Variants in FHOD3 observed in about 807,000 individuals in gnomAD.
The protein encoded by FHOD3 is FH1/FH2 domain-containing protein 3.
FHOD3 carries 90 observed loss-of-function variants against 173.0 expected under a neutral mutation model. The ratio of observed to expected loss-of-function variants is 0.52; its 90% CI spans 0.44 to 0.62. The LOEUF (loss-of-function observed/expected upper bound fraction) is 0.62. Among genes scored for constraint, FHOD3 ranks in the 20% least tolerant of loss-of-function variants. The probability of loss-of-function intolerance (pLI) is 0.00; values close to 1 mark genes in which losing one functional copy is unlikely to be tolerated. For synonymous variants in FHOD3, 828 were observed against 823.0 expected (o/e 1.01, Z -0.10); for missense variants, 1,945 against 2,034.7 (o/e 0.96, Z 0.85).
chr18:36,530,625 C>T (rs1212134993), intron 5 of FHOD3, among the ~76,000 whole-genome samples: 1 of 152,188 alleles, frequency 6.6e-6, no homozygotes. Flanking sequence ...GGTTGGTCCA[C>T]ATTTAGGTAA....
intron 6 of FHOD3, among the ~76,000 whole-genome samples, chr18:36,588,146 A>G (rs9964858): frequency 0.038 from 5,836 of 152,316 alleles, 314 homozygotes; most frequent in African/African-American, 0.13. Flanking sequence ...ACCTCATGTT[A>G]CAGATAACCT....
chr18:36,345,294 A>G (rs1598784071), intron 1 of FHOD3, among the ~76,000 whole-genome samples: 1 of 152,240 alleles, frequency 6.6e-6, no homozygotes, highest in Non-Finnish European at 1.5e-5. Flanking sequence ...AAATTACTTA[A>G]TATACTTTTA....
At chr18:36,300,190 C>G (rs2091922783) in intron 1 of FHOD3, among the ~76,000 whole-genome samples, 1 of 152,202 alleles carries the variant, frequency 6.6e-6, no homozygotes, top group African/African-American at 2.4e-5. Flanking sequence ...AAATGACCCA[C>G]TTTTTGTGCT....
At chr18:36,604,298 A>G (rs894730612) in intron 8 of FHOD3, among the ~76,000 whole-genome samples, 4 of 152,212 alleles carry the variant, frequency 2.6e-5, no homozygotes, top group Admixed American at 1.3e-4. Flanking sequence ...TCCATTCCTG[A>G]AATACAGCTG....
intron 13 of FHOD3, among the ~76,000 whole-genome samples, chr18:36,655,073 T>G (rs2036324527): frequency 1.4e-5 from 1 of 70,172 alleles, no homozygotes; most frequent in Non-Finnish European, 2.8e-5. Flanking sequence ...TTTTTTTTTG[T>G]ACCCCAATCA....
At chr18:36,772,501 T>A (rs1053737049) in intron 28 of FHOD3, among the ~76,000 whole-genome samples, 3 of 152,376 alleles carry the variant, frequency 2.0e-5, no homozygotes, top group South Asian at 2.1e-4. Flanking sequence ...ACAATAATAG[T>A]TCTGCTCTTG....
intron 3 of FHOD3, among the ~76,000 whole-genome samples, chr18:36,486,156 C>T (rs531264615): frequency 6.6e-6 from 1 of 152,154 alleles, no homozygotes; most frequent in African/African-American, 2.4e-5. Flanking sequence ...CACTAAATGG[C>T]TGCCGAGTGC....
chr18:36,684,155 G>A (rs529158557), intron 15 of FHOD3, among the ~76,000 whole-genome samples: 1 of 152,244 alleles, frequency 6.6e-6, no homozygotes, highest in East Asian at 1.9e-4. Context: ...AATTAATATT[G>A]GAACCAATGT....
In FHOD3 at chr18:36,612,149, G is replaced by C. The variant is rs929656056; in HGVS notation, c.957+54G>C. 22 of 1,574,490 alleles carry C rather than the reference G, an allele frequency of 1.4e-5. No individual in the cohort carries two copies. The African/African-American group carries it at 1.8e-4, about 13-fold the overall frequency. ...CGTACAGCTTTGGCAATTGTCAAAG[G>C]CTGAGATGGCGCCTACTTTAGACCA... On this transcript the variant is annotated intron_variant, in intron 9 of 28. Transcript: ENST00000590592.
chr18:36,462,920 A>G (rs974029226), intron 3 of FHOD3, among the ~76,000 whole-genome samples: 1 of 152,210 alleles, frequency 6.6e-6, no homozygotes, highest in South Asian at 2.1e-4. Context: ...GATGTGAGCT[A>G]TGTACCCAAC....
intron 3 of FHOD3, among the ~76,000 whole-genome samples, chr18:36,486,389 G>A (rs1037014896): frequency 1.2e-4 from 19 of 152,320 alleles, no homozygotes; most frequent in African/African-American, 4.3e-4. Context: ...TTGAAACAGG[G>A]TCTTGCTCTG....
intron 23 of FHOD3, among the ~76,000 whole-genome samples, chr18:36,745,728 C>T (rs1389990473): frequency 6.6e-6 from 1 of 150,988 alleles, no homozygotes; most frequent in Non-Finnish European, 1.5e-5. Context: ...ACCCCGTACC[C>T]TCTGTGCACC....
chr18:36,390,454 G>C (rs888553117), intron 3 of FHOD3, among the ~76,000 whole-genome samples: 4 of 152,312 alleles, frequency 2.6e-5, no homozygotes, highest in African/African-American at 9.6e-5. Flanking sequence ...GGTGCCTGCT[G>C]TTCTGGAGGA....
At chr18:36,558,102 C>A (rs560873186) in intron 5 of FHOD3, among the ~76,000 whole-genome samples, 1 of 152,264 alleles carries the variant, frequency 6.6e-6, no homozygotes, top group African/African-American at 2.4e-5. Flanking sequence ...CATTCCTGCA[C>A]TGATTAATAC....
intron 3 of FHOD3, among the ~76,000 whole-genome samples, chr18:36,384,683 G>A (rs2047944684): frequency 6.6e-6 from 1 of 152,052 alleles, no homozygotes; most frequent in African/African-American, 2.4e-5. Flanking sequence ...GGCAGAATAA[G>A]CCAATATGTG....
chr18:36,349,826 C>T (rs963919076), intron 1 of FHOD3, among the ~76,000 whole-genome samples: 6 of 152,024 alleles, frequency 3.9e-5, no homozygotes, highest in East Asian at 3.9e-4. Flanking sequence ...AGTGCAGTGG[C>T]GCAATCTTGG....
At chr18:36,577,716 G>T (rs763100398) in intron 6 of FHOD3, among the ~76,000 whole-genome samples, 16 of 152,226 alleles carry the variant, frequency 1.1e-4, no homozygotes, top group Non-Finnish European at 2.2e-4. Context: ...TGAAAGCCTA[G>T]CTGGTTTCCC....
At chr18:36,394,348 A>G (rs934485696) in intron 3 of FHOD3, among the ~76,000 whole-genome samples, 10 of 152,226 alleles carry the variant, frequency 6.6e-5, no homozygotes, top group African/African-American at 2.2e-4. Flanking sequence ...ATAAGGAATC[A>G]TTGACATGAG....
At chr18:36,372,417 AGACTCTGTG>A (rs1336550292) in intron 2 of FHOD3, among the ~76,000 whole-genome samples, 1 of 152,260 alleles carries the variant, frequency 6.6e-6, no homozygotes, top group East Asian at 1.9e-4. Context: ...GACTTTGTGC[AGACTCTGTG>A]GATGGAATGA....
Sources: allele counts gnomAD v4.1 joint callset (sites outside exome capture counted in the v4.1 genomes callset), GRCh38; gene constraint gnomAD v4.1.1; transcripts MANE v1.5; gene names NCBI Gene and HGNC (gene_info 2026-07-23, HGNC 2026-07-21).